The following GPC5 variants were observed in gnomAD, a reference collection of about 807,000 sequenced individuals.
GPC5 encodes the protein glypican-5.
Under a neutral mutation model 53.9 loss-of-function variants are expected in GPC5, and 47 were observed. The observed-to-expected ratio is 0.87, with a 90% confidence interval of 0.69 to 1.11. The LOEUF is 1.11. Ranked by LOEUF, GPC5 falls within the 50% of genes most tolerant of loss-of-function variation. The pLI is 0.00. For missense variants in GPC5, 748 were observed against 713.1 expected, an observed-to-expected ratio of 1.05 and a Z score of -0.56; for synonymous variants, 286 against 263.3, an observed-to-expected ratio of 1.09 and a Z score of -0.84.
chr13:91,493,888 TA>T (rs1329819273), intron 2 of GPC5, among the ~76,000 whole-genome samples: 15 of 150,118 alleles, frequency 1.0e-4, no homozygotes, highest in Admixed American at 3.3e-4. Flanking sequence ...TATTTTTTTT[TA>T]TTTAAGACAG....
At chr13:92,745,110 G>A (rs548789645) in intron 7 of GPC5, among the ~76,000 whole-genome samples, 42 of 151,754 alleles carry the variant, frequency 2.8e-4, no homozygotes, top group Non-Finnish European at 4.1e-4. Flanking sequence ...TGACATTTGG[G>A]ATTCATTTTC....
At position 92,644,001 on chromosome 13, in the gene GPC5, A is replaced by C. The variant is rs546090326; in HGVS notation, c.1562-222281A>C. On this transcript the variant is annotated intron_variant, in intron 7 of 7. Transcript: ENST00000377067. ...AGCAAAAGAAACCTACACATGGAAC[A>C]GCTGCATAATTTTGAAACTAAGTTA... Among the ~76,000 whole-genome samples the C allele has an allele frequency of 1.6e-4, 24 of 152,352 alleles. No individual in the cohort carries two copies. The East Asian group carries it at 4.2e-3, about 27-fold the overall frequency.
chr13:91,722,331 T>A (rs981769318), intron 3 of GPC5, among the ~76,000 whole-genome samples: 15 of 152,210 alleles, frequency 9.9e-5, no homozygotes, highest in African/African-American at 3.4e-4. Context: ...TGGTTTTCCA[T>A]AAAAGACTAG....
At position 92,424,761 on chromosome 13, in the gene GPC5, T is replaced by A. The variant is rs542457301; in HGVS notation, c.1561+279772T>A. On this transcript the variant is annotated intron_variant, in intron 7 of 7. Transcript: ENST00000377067. ...GCTTCCTCTTTCTTTGCTTACATAC[T>A]TTGATTGCTTCACTGTCATTTCTAT... Among the ~76,000 whole-genome samples the A allele has an allele frequency of 3.9e-5, 6 of 152,164 alleles. No individual in the cohort carries two copies. The South Asian group carries it at 1.2e-3, about 31-fold the overall frequency.
rs1431868131 is a variant in GPC5, at chr13:91,693,643, G to A, written c.782G>A (p.Cys261Tyr). The part of the protein sequence containing the change: ...ALLKMQYCPH[C>Y]QGLALTKPCM... ...CTGAAGATGCAATACTGCCCGCACTGCCAAGGCCTGGCGCTCACTAAGCCT... is the reference window on the plus strand; with the variant it reads ...CTGAAGATGCAATACTGCCCGCACTACCAAGGCCTGGCGCTCACTAAGCCT... The change falls in exon 3 of 8, where the codon TGC becomes TAC. Residue 261 changes from cysteine (C) to tyrosine (Y), a missense_variant. Physicochemically the swap from Cys to Tyr is radical, Grantham distance 194. Transcript: ENST00000377067. 5.6e-6 allele frequency: 9 copies of A among 1,614,068 alleles called. No individual in the cohort carries two copies. The highest frequency in any genetic ancestry group is 7.6e-6 in the Non-Finnish European group (9 of 1,179,960).
At chr13:92,131,101 T>C (rs951715764) in intron 6 of GPC5, among the ~76,000 whole-genome samples, 1 of 151,950 alleles carries the variant, frequency 6.6e-6, no homozygotes, top group African/African-American at 2.4e-5. Flanking sequence ...AAATCATTAA[T>C]TGCTCAGAAA....
chr13:91,978,593 T>C (rs1051363484), intron 6 of GPC5, among the ~76,000 whole-genome samples: 8 of 152,164 alleles, frequency 5.3e-5, no homozygotes, highest in African/African-American at 1.9e-4. Context: ...TTTGTTACCA[T>C]GAGACACACA....
chr13:92,303,879 C>A (rs542163379), intron 7 of GPC5, among the ~76,000 whole-genome samples: 108 of 152,232 alleles, frequency 7.1e-4, no homozygotes, highest in African/African-American at 2.5e-3. Flanking sequence ...GGTTTTCCAG[C>A]ATAAGTTTAT....
chr13:92,652,703 A>T (rs773617521), intron 7 of GPC5, among the ~76,000 whole-genome samples: 22 of 152,178 alleles, frequency 1.4e-4, no homozygotes, highest in Non-Finnish European at 2.1e-4. Flanking sequence ...GATACATAAT[A>T]CATTTTAATA....
At chr13:91,947,089 G>T (rs936667438) in intron 6 of GPC5, among the ~76,000 whole-genome samples, 1 of 152,110 alleles carries the variant, frequency 6.6e-6, no homozygotes, top group Non-Finnish European at 1.5e-5. Flanking sequence ...GCACACAGAA[G>T]AACCCTTTAG....
chr13:91,956,509 A>G (rs939817477), intron 6 of GPC5, among the ~76,000 whole-genome samples: 1 of 152,134 alleles, frequency 6.6e-6, no homozygotes, highest in African/African-American at 2.4e-5. Context: ...GCACCCAAGA[A>G]AGCCGCCAGA....
chr13:92,311,607 A>T (rs1197484994), intron 7 of GPC5, among the ~76,000 whole-genome samples: 1 of 152,182 alleles, frequency 6.6e-6, no homozygotes, highest in East Asian at 1.9e-4. Context: ...GAACAAACAA[A>T]GTCACGTCTT....
At chr13:91,753,591 C>T (rs867433186) in intron 4 of GPC5, among the ~76,000 whole-genome samples, 2 of 152,152 alleles carry the variant, frequency 1.3e-5, no homozygotes, top group African/African-American at 4.8e-5. Flanking sequence ...GATGATAACA[C>T]CTGCTTGCTG....
intron 7 of GPC5, among the ~76,000 whole-genome samples, chr13:92,535,284 C>T (rs979638248): frequency 2.6e-5 from 4 of 152,038 alleles, no homozygotes; most frequent in Middle Eastern, 3.2e-3. Flanking sequence ...TCAGTTCATG[C>T]ACACGCTACC....
chr13:92,679,843 C>G (rs1430454622), intron 7 of GPC5, among the ~76,000 whole-genome samples: 3 of 151,930 alleles, frequency 2.0e-5, no homozygotes, highest in Non-Finnish European at 2.9e-5. Context: ...CGTGCGTGCT[C>G]TCTCTCTCAC....
chr13:92,860,604 T>C (rs143908962), intron 7 of GPC5, among the ~76,000 whole-genome samples: 2 of 152,132 alleles, frequency 1.3e-5, no homozygotes, highest in African/African-American at 4.8e-5. Context: ...CCAAAATACA[T>C]GTGGCTAATG....
At chr13:92,861,654 T>G (rs1383560794) in intron 7 of GPC5, among the ~76,000 whole-genome samples, 1 of 152,202 alleles carries the variant, frequency 6.6e-6, no homozygotes, top group Non-Finnish European at 1.5e-5. Flanking sequence ...TCCATTTTTC[T>G]GTGTGTATCC....
At chr13:91,664,331 C>T (rs925800561) in intron 2 of GPC5, among the ~76,000 whole-genome samples, 2 of 152,166 alleles carry the variant, frequency 1.3e-5, no homozygotes, top group African/African-American at 4.8e-5. Context: ...AAGCTTCCTG[C>T]GTATTCATGT....
At chr13:91,841,940 A>G (rs1164457136) in intron 5 of GPC5, among the ~76,000 whole-genome samples, 2 of 152,216 alleles carry the variant, frequency 1.3e-5, no homozygotes, top group Non-Finnish European at 2.9e-5. Context: ...ACAGCATCAT[A>G]AAAGTTTCAG....
Sources: gnomAD v4.1 joint callset for allele counts (sites outside exome capture counted in the v4.1 genomes callset) on GRCh38, gnomAD v4.1.1 for gene constraint, MANE v1.5 for transcripts, NCBI Gene and HGNC (gene_info 2026-07-23, HGNC 2026-07-21) for gene names.